VPS13B: variants seen among roughly 807,000 people sequenced by gnomAD.
VPS13B encodes the protein vacuolar protein sorting 13 homolog B.
A neutral mutation model predicts 426.4 loss-of-function variants in VPS13B; 285 were observed. The observed-to-expected ratio is 0.67, with a 90% CI of 0.61 to 0.74. VPS13B has a LOEUF of 0.74. Among genes scored for constraint, VPS13B ranks in the 30% least tolerant of loss-of-function variants. The pLI is 0.00. For missense variants in VPS13B, 4,537 were observed against 4,782.6 expected, an observed-to-expected ratio of 0.95 and a Z score of 1.51; for synonymous variants, 1,676 against 1,676.4, an observed-to-expected ratio of 1.00 and a Z score of 0.01.
At chr8:99,202,901 G>T (rs1325417303) in intron 17 of VPS13B, among the ~76,000 whole-genome samples, 1 of 152,106 alleles carries the variant, frequency 6.6e-6, no homozygotes, top group African/African-American at 2.4e-5. Flanking sequence ...GGGCGTGGTG[G>T]TGGGCACCTG....
intron 16 of VPS13B, among the ~76,000 whole-genome samples, chr8:99,175,843 A>G (rs909260177): frequency 6.6e-6 from 1 of 152,242 alleles, no homozygotes; most frequent in East Asian, 1.9e-4. Context: ...TTCAGAGCTG[A>G]TAGAAATGTA....
At chr8:99,504,801 G>T (rs1821409191) in intron 27 of VPS13B, among the ~76,000 whole-genome samples, 1 of 152,098 alleles carries the variant, frequency 6.6e-6, no homozygotes, top group South Asian at 2.1e-4. Context: ...TAACAAGAGA[G>T]TCAGCCTGTC....
chr8:99,332,177 A>G (rs1340641877), intron 19 of VPS13B, among the ~76,000 whole-genome samples: 1 of 151,700 alleles, frequency 6.6e-6, no homozygotes, highest in Non-Finnish European at 1.5e-5. Context: ...AAACTATATT[A>G]GGTGAACTCA....
At position 99,458,075 on chromosome 8, in the gene VPS13B, A is replaced by T. The variant is rs1352512161; in HGVS notation, c.3446-9339A>T. ...ATGCTATCCCCCCCCCCTCCCCCCA[A>T]CCCCACAACAGGCCCCGGTGTGTGA... On this transcript the variant is annotated intron_variant, in intron 23 of 61. Coordinates refer to ENST00000357162, the MANE Select transcript of VPS13B (RefSeq NM_152564.5). Among the ~76,000 whole-genome samples, 20 of 69,954 alleles carry T rather than the reference A, an allele frequency of 2.9e-4. No individual in the cohort carries two copies. The East Asian group carries it at 5.3e-3, about 18-fold the overall frequency. 45.9% of individuals were successfully genotyped at this position (69,954 alleles called of 152,430 possible). A position where few individuals can be genotyped will look rare whatever the true frequency, so the allele number is the denominator to read the frequency against.
At chr8:99,684,088 T>C (rs943468927) in intron 35 of VPS13B, among the ~76,000 whole-genome samples, 1 of 152,240 alleles carries the variant, frequency 6.6e-6, no homozygotes, top group Non-Finnish European at 1.5e-5. Flanking sequence ...GATAGTATCT[T>C]TGTTATTGTT....
intron 2 of VPS13B, among the ~76,000 whole-genome samples, 181 bp downstream of exon 2, chr8:99,014,116 T>C (rs1038210484): frequency 9.2e-5 from 11 of 119,256 alleles, no homozygotes; most frequent in Non-Finnish European, 8.3e-5. Context: ...CTTTCTTTTT[T>C]TTTTTTTTTT....
intron 19 of VPS13B, among the ~76,000 whole-genome samples, chr8:99,311,814 T>C (rs1820993154): frequency 6.6e-6 from 1 of 152,210 alleles, no homozygotes; most frequent in African/African-American, 2.4e-5. Context: ...TAAGTCTCTT[T>C]GTAGGTCTCT....
intron 39 of VPS13B, among the ~76,000 whole-genome samples, chr8:99,759,921 C>G (rs1363757856): frequency 6.6e-6 from 1 of 152,108 alleles, no homozygotes; most frequent in Non-Finnish European, 1.5e-5. Flanking sequence ...CCTAATTGGT[C>G]TTATTGCATC....
In VPS13B at chr8:99,013,362, G is replaced by C. The variant is rs1841422310; in HGVS notation, c.-30+15G>C. On this transcript the variant is annotated intron_variant, in intron 1 of 61. Transcript: ENST00000357162. ...TACTCTGGCGTGTGAGCCGAGGGTG[G>C]AGTGCAGAGGGAGCGGGAGCGGGAC... 3.4e-6 allele frequency: 1 copy of C among 289,974 alleles called. No individual in the cohort carries two copies. Among genetic ancestry groups the C allele is most frequent in the African/African-American group, 2.2e-5 (1 of 45,672 alleles). The allele number at this position is 289,974 out of a possible 1,614,324, so 18.0% of individuals were successfully genotyped here. A position where few individuals can be genotyped will look rare whatever the true frequency, so the allele number is the denominator to read the frequency against.
chr8:99,160,784 G>A (rs1811609320), intron 15 of VPS13B, among the ~76,000 whole-genome samples: 1 of 151,660 alleles, frequency 6.6e-6, no homozygotes, highest in Non-Finnish European at 1.5e-5. Context: ...TTAAGTATTT[G>A]TATATCTGTA....
intron 15 of VPS13B, among the ~76,000 whole-genome samples, chr8:99,164,152 A>T (rs1342564076): frequency 6.6e-6 from 1 of 151,774 alleles, no homozygotes; most frequent in African/African-American, 2.4e-5. Context: ...TGTTAGTTGA[A>T]CTCATTTGGG....
chr8:99,875,342 G>T, intron 61 of VPS13B, 76 bp from the exon 62 acceptor site: 2 of 1,596,376 alleles, frequency 1.3e-6, no homozygotes, highest in South Asian at 1.1e-5. Context: ...CAAATATATC[G>T]AGGCAAAAGA....
At chr8:99,301,299 C>CT (rs772725181) in intron 19 of VPS13B, among the ~76,000 whole-genome samples, 3,597 of 141,694 alleles carry the variant, frequency 0.025, 115 homozygotes, top group African/African-American at 0.075. Context: ...TTCTTTCTTT[C>CT]TTTTTTTTTT....
intron 19 of VPS13B, among the ~76,000 whole-genome samples, chr8:99,353,195 G>A (rs1011374369): frequency 6.6e-6 from 1 of 152,012 alleles, no homozygotes; most frequent in African/African-American, 2.4e-5. Context: ...TGTTGGCCAG[G>A]CTGTTTTTGA....
At chr8:99,860,614 A>G (rs772768057) in intron 57 of VPS13B, among the ~76,000 whole-genome samples, 2 of 152,230 alleles carry the variant, frequency 1.3e-5, no homozygotes, top group Non-Finnish European at 2.9e-5. Context: ...GCGCACACAG[A>G]TATTTTTCTT....
At chr8:99,537,533 G>A (rs1823320820) in intron 30 of VPS13B, among the ~76,000 whole-genome samples, 1 of 152,130 alleles carries the variant, frequency 6.6e-6, no homozygotes, top group Non-Finnish European at 1.5e-5. Context: ...CCTTATCAGT[G>A]GAGCTCGACT....
At position 99,431,615 on chromosome 8, in the gene VPS13B, A is replaced by G. The variant is rs1273805314; in HGVS notation, c.3161A>G (p.Lys1054Arg). The G allele has an allele frequency of 1.2e-6, 2 of 1,613,548 alleles. No homozygotes were observed. Among genetic ancestry groups the G allele is most frequent in the South Asian group, 2.2e-5 (2 of 91,070 alleles). The change falls in exon 22 of 62, where the codon AAG becomes AGG. Residue 1054 changes from lysine to arginine, a missense_variant. Around this residue, in one of 2 missense-constraint regions of VPS13B, gnomAD observed 4,311 missense variants for 4,474.3 expected, o/e 0.96. Coordinates refer to ENST00000357162, the MANE Select transcript of VPS13B (RefSeq NM_152564.5). ...ESCRSPEERM[K>R]EFIGIVWNAV... ...TGTAGAAGTCCTGAAGAAAGAATGA[A>G]GGAATTTATTGGAATTGTTTGGAAT...
intron 17 of VPS13B, chr8:99,233,125 A>G: frequency 1.5e-6 from 2 of 1,352,530 alleles, no homozygotes; most frequent in Non-Finnish European, 2.1e-6. Flanking sequence ...AGTTTCCCTG[A>G]TACTGCGCTG....
intron 21 of VPS13B, among the ~76,000 whole-genome samples, chr8:99,400,983 A>C (rs148859976): frequency 3.7e-4 from 56 of 152,318 alleles, no homozygotes; most frequent in African/African-American, 1.3e-3. Flanking sequence ...GTATGGTATT[A>C]CTTTTTAAAT....
Sources: gnomAD v4.1 joint callset for allele counts (sites outside exome capture counted in the v4.1 genomes callset) on GRCh38, gnomAD v4.1.1 for gene constraint, gnomAD v4.1.1 regional missense constraint, MANE v1.5 for transcripts, NCBI Gene and HGNC (gene_info 2026-07-23, HGNC 2026-07-21) for gene names.